The following TEX15 variants were observed in gnomAD, a reference collection of about 807,000 sequenced individuals.
TEX15 encodes the protein testis-expressed protein 15.
TEX15 carries 171 observed loss-of-function variants against 237.3 expected under a neutral mutation model. The observed-to-expected ratio is 0.72, with a 90% CI of 0.64 to 0.82. TEX15 has a LOEUF of 0.82. Ranked by LOEUF, TEX15 falls within the 40% of genes least tolerant of loss-of-function variation. The pLI is 0.00. For missense variants in TEX15, 3,750 were observed against 3,646.5 expected, an observed-to-expected ratio of 1.03 and a Z score of -0.73; for synonymous variants, 1,338 against 1,269.8, an observed-to-expected ratio of 1.05 and a Z score of -1.14.
intron 9 of TEX15, 84 bp downstream of exon 9, chr8:30,839,822 A>T: frequency 1.2e-6 from 1 of 813,576 alleles, no homozygotes; most frequent in Non-Finnish European, 2.0e-6. Flanking sequence ...GACATTATAT[A>T]AATAATTGTG....
At chr8:30,894,648 A>G (rs1458880683) in intron 2 of TEX15, among the ~76,000 whole-genome samples, 1 of 152,364 alleles carries the variant, frequency 6.6e-6, no homozygotes, top group African/African-American at 2.4e-5. Flanking sequence ...GGAAAACTGG[A>G]TATCCATGTG....
chr8:30,906,976 C>A (rs1022902829), intron 1 of TEX15, among the ~76,000 whole-genome samples: 1 of 152,102 alleles, frequency 6.6e-6, no homozygotes, highest in African/African-American at 2.4e-5. Flanking sequence ...CTGATTCTTA[C>A]TCCTTGGCCA....
chr8:30,906,136 T>C (rs1563280681), intron 1 of TEX15, among the ~76,000 whole-genome samples: 2 of 152,202 alleles, frequency 1.3e-5, no homozygotes, highest in Non-Finnish European at 2.9e-5. Flanking sequence ...TATATAAGTA[T>C]TGGCTATTAT....
intron 2 of TEX15, among the ~76,000 whole-genome samples, chr8:30,897,473 C>T (rs1333971383): frequency 6.6e-6 from 1 of 152,164 alleles, no homozygotes; most frequent in African/African-American, 2.4e-5. Flanking sequence ...GTATTTCCTT[C>T]CATGACTATG....
rs1381907047 is a variant in TEX15, at chr8:30,845,006, A to G, written c.5161T>C (p.Ser1721Pro). The change falls in exon 8 of 11, where the codon TCA becomes CCA. Residue 1721 changes from serine to proline, a missense_variant. Coordinates refer to ENST00000643185, the MANE Select transcript of TEX15 (RefSeq NM_001350162.2). ...ASKKYSIPQLSAAAVTDSEGE... is the reference protein window; with the variant it reads ...ASKKYSIPQLPAAAVTDSEGE... ...TCACTATCTGTCACTGCAGCGGCTGATAACTGAGGAATACTGTACTTTTTA... is the reference window on the plus strand; with the variant it reads ...TCACTATCTGTCACTGCAGCGGCTGGTAACTGAGGAATACTGTACTTTTTA... 1.2e-6 allele frequency: 2 copies of G among 1,613,616 alleles called. No homozygotes were observed. Among genetic ancestry groups the G allele is most frequent in the South Asian group, 1.1e-5 (1 of 91,072 alleles).
Position 30,848,761 on chromosome 8 carries a change from A to C in TEX15, c.1406T>G (p.Ile469Arg). 1 of 1,614,140 alleles carries C rather than the reference A, an allele frequency of 6.2e-7. No individual in the cohort carries two copies. Among genetic ancestry groups the C allele is most frequent in the Non-Finnish European group, 8.5e-7 (1 of 1,180,010 alleles). ...EKSSDNVNSE[I>R]KSTPSNSASS... is the part of the protein sequence containing the mutation. ...GGCAGAATTAGATGGTGTCGATTTT[A>C]TTTCTGAATTAACATTATCTGAACT... is the stretch of plus-strand genomic sequence containing the variant. Residue 469 changes from isoleucine (I) to arginine (R), a missense_variant, in exon 8 of 11, where the codon ATA (isoleucine) becomes AGA (arginine). Transcript: ENST00000643185.
chr8:30,845,797 T>C lies in TEX15; in HGVS notation c.4370A>G (p.Lys1457Arg). The change falls in exon 8 of 11, where the codon AAG becomes AGG. Residue 1457 changes from lysine (K) to arginine (R), a missense_variant. Transcript: ENST00000643185. The stretch of plus-strand genomic sequence containing the variant: ...AATATCAGCTTTTGGAGCTCTTTTC[T>C]TTCTCCGTTTGTCATATTTTCTTTT... ...SSKRKYDKRR[K>R]KRAPKADISK... 2 of 1,610,136 alleles carry C rather than the reference T, an allele frequency of 1.2e-6. No individual in the cohort carries two copies. The highest frequency in any genetic ancestry group is 1.7e-6 in the Non-Finnish European group (2 of 1,178,900).
intron 5 of TEX15, among the ~76,000 whole-genome samples, chr8:30,860,563 C>T (rs952181957): frequency 2.4e-5 from 3 of 127,034 alleles, no homozygotes; most frequent in Admixed American, 8.1e-5. Flanking sequence ...AGAGAATCTA[C>T]TTTTTTTTTT....
Position 30,845,157 on chromosome 8 carries a change from G to A in TEX15, c.5010C>T (p.Asn1670=), listed in dbSNP as rs147857906. The A allele has an allele frequency of 2.0e-4, 319 of 1,613,406 alleles. No homozygotes were observed. The African/African-American group carries it at 3.5e-3, about 18-fold the overall frequency. ...TTCTTTTACAATCAGATAAAATAAGGTTACCTTGTTGGTAGAGATCATTTA... is the reference window on the plus strand; with the variant it reads ...TTCTTTTACAATCAGATAAAATAAGATTACCTTGTTGGTAGAGATCATTTA... ...HFLNDLYQQG[N]LILSDCKRNL... Residue 1670 remains asparagine, a synonymous_variant, in exon 8 of 11, where the codon AAC becomes AAT. Coordinates refer to ENST00000643185, the MANE Select transcript of TEX15 (RefSeq NM_001350162.2).
intron 7 of TEX15, among the ~76,000 whole-genome samples, chr8:30,850,884 T>G (rs991742140): frequency 6.6e-6 from 1 of 151,866 alleles, no homozygotes; most frequent in Admixed American, 6.6e-5. Flanking sequence ...ATAGGTAAAA[T>G]TGTCAACAAA....
intron 7 of TEX15, 44 bp downstream of exon 7, chr8:30,858,624 A>G (rs186073794): frequency 2.1e-6 from 3 of 1,450,376 alleles, no homozygotes; most frequent in African/African-American, 2.9e-5. Flanking sequence ...AAATTTTAAG[A>G]CCAGCACAAA....
At chr8:30,895,676 C>CTTTTTG (rs1808889176) in intron 2 of TEX15, among the ~76,000 whole-genome samples, 1 of 60,060 alleles carries the variant, frequency 1.7e-5, no homozygotes, top group Non-Finnish European at 2.7e-5. Context: ...TAAACACATG[C>CTTTTTG]TTTTTTTTTT....
chr8:30,857,417 CA>C (rs1699003359), intron 7 of TEX15, among the ~76,000 whole-genome samples: 1 of 152,018 alleles, frequency 6.6e-6, no homozygotes, highest in Admixed American at 6.5e-5. Context: ...CTTAAAAAGA[CA>C]TATCTGACAT....
chr8:30,852,713 A>G (rs1426771271), intron 7 of TEX15, among the ~76,000 whole-genome samples: 1 of 152,162 alleles, frequency 6.6e-6, no homozygotes, highest in African/African-American at 2.4e-5. Context: ...ATTGAAATAA[A>G]AAAGTAGTAA....
chr8:30,871,333 G>T (rs547140475), intron 4 of TEX15, among the ~76,000 whole-genome samples: 2 of 152,086 alleles, frequency 1.3e-5, no homozygotes, highest in African/African-American at 2.4e-5. Context: ...ATGATACGAA[G>T]AACTTGTTTT....
rs1396221669 is a variant in TEX15 at position 30,844,515 on chromosome 8, G to C, written c.5652C>G (p.Cys1884Trp). ...TAGTTGTAATAATTTTCTCATTTAA[G>C]CAGGATTCTTCTGAGATCTGATTCT... Reference protein sequence around the residue: ...NQKNQISEESCLNEKIITTNL... With the variant: ...NQKNQISEESWLNEKIITTNL... The change falls in exon 8 of 11, where the codon TGC becomes TGG. Residue 1884 changes from cysteine (C) to tryptophan (W), a missense_variant. Coordinates refer to ENST00000643185, the MANE Select transcript of TEX15 (RefSeq NM_001350162.2). 1 of 1,612,882 alleles carries C rather than the reference G, an allele frequency of 6.2e-7. No individual in the cohort carries two copies. The highest frequency in any genetic ancestry group is 8.5e-7 in the Non-Finnish European group (1 of 1,179,518).
At chr8:30,877,133 T>C (rs1342681606) in intron 3 of TEX15, among the ~76,000 whole-genome samples, 2 of 152,206 alleles carry the variant, frequency 1.3e-5, no homozygotes, top group African/African-American at 4.8e-5. Context: ...AGAACACTTA[T>C]TGCAGTATGA....
At chr8:30,911,376 T>C (rs1441553015) in intron 1 of TEX15, among the ~76,000 whole-genome samples, 47 of 152,188 alleles carry the variant, frequency 3.1e-4, no homozygotes, top group Admixed American at 3.1e-3. Flanking sequence ...GGTTTCGAAC[T>C]CCTGGGCTCA....
Position 30,843,439 on chromosome 8 carries a change from T to G in TEX15, c.6728A>C (p.Glu2243Ala). Residue 2243 changes from glutamate to alanine, a missense_variant, in exon 8 of 11, where the codon GAA (glutamate) becomes GCA (alanine). Coordinates refer to ENST00000643185, the MANE Select transcript of TEX15 (RefSeq NM_001350162.2). ...AAAATTAACCTTTGAGGAGATCATT[T>G]CTATGATAATCCACAGATGGTCCTG... ...GKQDHLWIII[E>A]MISSKVNFIK... 1 of 1,613,114 alleles carries G rather than the reference T, an allele frequency of 6.2e-7. No homozygotes were observed. The highest frequency in any genetic ancestry group is 1.1e-5 in the South Asian group (1 of 90,976).
Sources: gnomAD v4.1 joint callset for allele counts (sites outside exome capture counted in the v4.1 genomes callset) on GRCh38, gnomAD v4.1.1 for gene constraint, MANE v1.5 for transcripts, NCBI Gene and HGNC (gene_info 2026-07-23, HGNC 2026-07-21) for gene names.